CAPSL: variants seen among roughly 807,000 people sequenced by gnomAD.
CAPSL encodes calcyphosin-like protein.
Under a neutral mutation model 21.3 loss-of-function variants are expected in CAPSL, and 17 were observed. The ratio of observed to expected loss-of-function variants is 0.80; its 90% CI spans 0.55 to 1.20. CAPSL has a LOEUF of 1.20. Ranked by LOEUF, CAPSL falls within the 50% of genes most tolerant of loss-of-function variation. The pLI is 0.00. For synonymous variants in CAPSL, 102 were observed against 89.3 expected, an observed-to-expected ratio of 1.14 and a Z score of -0.80; for missense variants, 289 against 259.3, an observed-to-expected ratio of 1.11 and a Z score of -0.79.
chr5:35,932,483 G>A (rs1039519025), intron 1 of CAPSL, among the ~76,000 whole-genome samples: 43 of 152,178 alleles, frequency 2.8e-4, no homozygotes, highest in African/African-American at 1.0e-3. Context: ...TTCTGAAGTG[G>A]TTCCCAGAAG....
At chr5:35,935,485 A>G (rs1357834938) in intron 1 of CAPSL, among the ~76,000 whole-genome samples, 1 of 151,804 alleles carries the variant, frequency 6.6e-6, no homozygotes. Flanking sequence ...GGTGCACACC[A>G]CAATACCCAA....
intron 1 of CAPSL, among the ~76,000 whole-genome samples, chr5:35,936,199 G>A (rs926425331): frequency 5.3e-5 from 8 of 151,830 alleles, no homozygotes; most frequent in Admixed American, 4.6e-4. Context: ...GCGCTCTAAG[G>A]GCATCCTGAC....
intron 1 of CAPSL, among the ~76,000 whole-genome samples, chr5:35,927,354 T>G (rs1738712053): frequency 6.6e-6 from 1 of 152,202 alleles, no homozygotes; most frequent in African/African-American, 2.4e-5. Flanking sequence ...TCTGTAATTC[T>G]TAGATACCTG....
At chr5:35,930,059 A>G (rs979208904) in intron 1 of CAPSL, among the ~76,000 whole-genome samples, 6 of 152,232 alleles carry the variant, frequency 3.9e-5, no homozygotes, top group Non-Finnish European at 8.8e-5. Context: ...TCTAAAATGT[A>G]TGAATATATG....
intron 1 of CAPSL, among the ~76,000 whole-genome samples, chr5:35,937,618 C>T (rs116830009): frequency 0.041 from 6,238 of 152,254 alleles, 168 homozygotes; most frequent in Middle Eastern, 0.054. Context: ...AAGGTCCTTA[C>T]GAGGTAGAGC....
chr5:35,907,953 G>A (rs180897516), intron 4 of CAPSL, among the ~76,000 whole-genome samples: 176 of 152,282 alleles, frequency 1.2e-3, no homozygotes, highest in South Asian at 8.7e-3. Context: ...TTCAGTGTGC[G>A]AAAGTTTGAA....
chr5:35,914,502 A>G (rs906080607), intron 2 of CAPSL, among the ~76,000 whole-genome samples: 2 of 152,206 alleles, frequency 1.3e-5, no homozygotes, highest in Non-Finnish European at 2.9e-5. Flanking sequence ...AAATTATAAC[A>G]AACTGTCTCT....
At chr5:35,910,812 T>G (rs924651369) in intron 2 of CAPSL, among the ~76,000 whole-genome samples, 1 of 152,138 alleles carries the variant, frequency 6.6e-6, no homozygotes, top group Non-Finnish European at 1.5e-5. Flanking sequence ...AGGAAAGAGT[T>G]GAATTGGTGA....
intron 1 of CAPSL, among the ~76,000 whole-genome samples, chr5:35,931,025 A>G (rs1580896865): frequency 6.6e-6 from 1 of 152,216 alleles, no homozygotes. Context: ...GAGCCCTGAC[A>G]TCATCGAGCT....
intron 2 of CAPSL, among the ~76,000 whole-genome samples, chr5:35,911,944 G>A (rs968871806): frequency 3.3e-5 from 5 of 152,170 alleles, no homozygotes; most frequent in Non-Finnish European, 7.3e-5. Context: ...AAGGGGTCAG[G>A]GAATTCCCTT....
intron 2 of CAPSL, among the ~76,000 whole-genome samples, chr5:35,917,681 A>T (rs1219080596): frequency 6.6e-6 from 1 of 152,162 alleles, no homozygotes; most frequent in Non-Finnish European, 1.5e-5. Context: ...ACACATGGAC[A>T]CAGGAAGGGG....
chr5:35,927,823 C>T (rs3843907), intron 1 of CAPSL, among the ~76,000 whole-genome samples: 1,682 of 152,276 alleles, frequency 0.011, 27 homozygotes, highest in African/African-American at 0.038. Context: ...GGCTTTAGTC[C>T]ATTCAATAAA....
intron 1 of CAPSL, among the ~76,000 whole-genome samples, chr5:35,932,589 C>T (rs374851352): frequency 1.3e-5 from 2 of 152,138 alleles, no homozygotes; most frequent in African/African-American, 4.8e-5. Flanking sequence ...CCCTAAGGTT[C>T]TGTTTATAAA....
rs1738171230 is a variant in CAPSL at position 35,910,006 on chromosome 5, C to A, written c.385G>T (p.Gly129Cys). 1.9e-6 allele frequency: 3 copies of A among 1,613,594 alleles called. No homozygotes were observed. The highest frequency in any genetic ancestry group is 2.2e-5 in the East Asian group (1 of 44,862). Residue 129 changes from glycine (G) to cysteine (C), a missense_variant, in exon 4 of 5, where the codon GGT (glycine) becomes TGT (cysteine). Transcript: ENST00000651391. ...CGAAGGTCTTCGATTGTTATAACAC[C>A]ATCTCCAGTCTTGTCTAACTTTCTA... is the stretch of plus-strand genomic sequence containing the variant. ...AFRKLDKTGD[G>C]VITIEDLREV...
chr5:35,917,038 A>C (rs902712243), intron 2 of CAPSL, among the ~76,000 whole-genome samples: 4 of 152,234 alleles, frequency 2.6e-5, no homozygotes, highest in Non-Finnish European at 5.9e-5. Flanking sequence ...ACACAACCCC[A>C]TCAAAAAGTG....
At chr5:35,917,472 T>A (rs1738421685) in intron 2 of CAPSL, among the ~76,000 whole-genome samples, 2 of 152,086 alleles carry the variant, frequency 1.3e-5, no homozygotes, top group African/African-American at 4.8e-5. Context: ...AACCCAAATG[T>A]CCAACAATGA....
chr5:35,917,964 C>A (rs1738436423), intron 2 of CAPSL, among the ~76,000 whole-genome samples: 1 of 152,122 alleles, frequency 6.6e-6, no homozygotes, highest in South Asian at 2.1e-4. Context: ...ACAGCAGATG[C>A]TGGAGAGGAT....
intron 2 of CAPSL, among the ~76,000 whole-genome samples, chr5:35,916,817 T>C (rs778542572): frequency 1.3e-5 from 2 of 152,208 alleles, no homozygotes; most frequent in South Asian, 2.1e-4. Context: ...AAGGACTTCA[T>C]GTCTAAAACA....
chr5:35,915,719 A>G (rs1738361688), intron 2 of CAPSL, among the ~76,000 whole-genome samples: 1 of 152,238 alleles, frequency 6.6e-6, no homozygotes, highest in African/African-American at 2.4e-5. Context: ...TCTCAAAATA[A>G]TAAGAGCTAT....
Sources: allele counts gnomAD v4.1 joint callset (sites outside exome capture counted in the v4.1 genomes callset), GRCh38; gene constraint gnomAD v4.1.1; transcripts MANE v1.5; gene names NCBI Gene and HGNC (gene_info 2026-07-23, HGNC 2026-07-21).